Variants in TMEM177 observed in about 807,000 individuals in gnomAD.
The protein encoded by TMEM177 is transmembrane protein 177.
TMEM177 carries 4 observed loss-of-function variants against 14.2 expected under a neutral mutation model. The ratio of observed to expected loss-of-function variants is 0.28; its 90% CI spans 0.14 to 0.64. TMEM177 has a LOEUF of 0.64. TMEM177 is among the 30% of genes least tolerant of loss of function. TMEM177 has a pLI of 0.82. For missense variants in TMEM177, 344 were observed against 405.2 expected, an observed-to-expected ratio of 0.85 and a Z score of 1.30; for synonymous variants, 179 against 174.5, an observed-to-expected ratio of 1.03 and a Z score of -0.20.
At chr2:119,698,047 C>A in the TMEM177 span, among the ~76,000 whole-genome samples, 1 of 152,076 alleles carries the variant, frequency 6.6e-6, no homozygotes, top group Non-Finnish European at 1.5e-5. Flanking sequence ...CCTCTGAGCT[C>A]CAGGGGAGGC....
chr2:119,708,644 G>GACACACACAC, the TMEM177 span, among the ~76,000 whole-genome samples: 360 of 146,838 alleles, frequency 2.5e-3, 1 homozygote, highest in African/African-American at 8.5e-3. Flanking sequence ...ATCACACGCA[G>GACACACACAC]ACACACACAC....
At chr2:119,714,762 G>T in the TMEM177 span, among the ~76,000 whole-genome samples, 1 of 151,834 alleles carries the variant, frequency 6.6e-6, no homozygotes, top group East Asian at 1.9e-4. Flanking sequence ...TAGTGATGAA[G>T]GCAAGAAAAT....
the TMEM177 span, among the ~76,000 whole-genome samples, chr2:119,694,252 G>A: frequency 1.4e-5 from 2 of 140,804 alleles, no homozygotes; most frequent in South Asian, 4.7e-4. Flanking sequence ...TACCACACAT[G>A]TGCAACATAC....
rs1688832370 is a variant in TMEM177 at position 119,679,244 on chromosome 2, G to C, written c.-55G>C. 1 of 152,224 alleles carries C rather than the reference G, an allele frequency of 6.6e-6. No homozygotes were observed. Among genetic ancestry groups the C allele is most frequent in the Non-Finnish European group, 1.5e-5 (1 of 68,076 alleles). The allele number at this position is 152,224 out of a possible 1,614,324, so 9.4% of individuals were successfully genotyped here. On this transcript the variant is annotated 5_prime_UTR_variant, in exon 1 of 2. Coordinates refer to ENST00000272521, the MANE Select transcript of TMEM177 (RefSeq NM_030577.3). ...GGCGGAGGTGAGCGCACGGACGAGC[G>C]GGAGGGACCCTTCTCCGGCCTGATG...
At chr2:119,722,515 A>T in the TMEM177 span, among the ~76,000 whole-genome samples, 2 of 152,238 alleles carry the variant, frequency 1.3e-5, no homozygotes, top group African/African-American at 4.8e-5. Flanking sequence ...TAAGTTCAAT[A>T]CTTACCAGCT....
At chr2:119,703,969 A>G in the TMEM177 span, among the ~76,000 whole-genome samples, 11 of 152,264 alleles carry the variant, frequency 7.2e-5, no homozygotes, top group Non-Finnish European at 1.6e-4. Flanking sequence ...AAGCATCAGT[A>G]TGAATGCCAT....
downstream of TMEM177, among the ~76,000 whole-genome samples, chr2:119,687,923 T>A (rs1689041329): frequency 6.6e-6 from 1 of 152,212 alleles, no homozygotes; most frequent in African/African-American, 2.4e-5. Context: ...CTTGATACAA[T>A]CATAAAAGTT....
At chr2:119,714,798 A>G in the TMEM177 span, among the ~76,000 whole-genome samples, 1 of 152,258 alleles carries the variant, frequency 6.6e-6, no homozygotes, top group African/African-American at 2.4e-5. Context: ...TGGGCTACTG[A>G]TCAGGGGTCA....
At chr2:119,682,341 C>T (rs1320601800), downstream of TMEM177, among the ~76,000 whole-genome samples, 2 of 152,070 alleles carry the variant, frequency 1.3e-5, no homozygotes, top group Non-Finnish European at 2.9e-5. Flanking sequence ...ACCTCAACAC[C>T]AGGGTACTAG....
chr2:119,682,607 G>T (rs1688934278), downstream of TMEM177, among the ~76,000 whole-genome samples: 1 of 152,160 alleles, frequency 6.6e-6, no homozygotes, highest in African/African-American at 2.4e-5. Flanking sequence ...GACCTGAGGG[G>T]AGGGGAGGTG....
At chr2:119,697,301 C>T in the TMEM177 span, among the ~76,000 whole-genome samples, 1 of 152,240 alleles carries the variant, frequency 6.6e-6, no homozygotes, top group Non-Finnish European at 1.5e-5. Flanking sequence ...TGGCTCATGC[C>T]TGCAATCCCA....
chr2:119,717,754 G>A, the TMEM177 span, among the ~76,000 whole-genome samples: 29 of 151,956 alleles, frequency 1.9e-4, no homozygotes, highest in African/African-American at 5.8e-4. Flanking sequence ...GATTACAGGC[G>A]TGCGCCACCA....
chr2:119,686,070 AGCAGAGTGG>A (rs1211899894), downstream of TMEM177: 1 of 203,130 alleles, frequency 4.9e-6, no homozygotes, highest in Non-Finnish European at 9.8e-6. Flanking sequence ...GTAGGGAGAG[AGCAGAGTGG>A]GCAGCCAGCT....
downstream of TMEM177, among the ~76,000 whole-genome samples, chr2:119,690,884 A>G (rs933852426): frequency 1.2e-4 from 18 of 152,232 alleles, no homozygotes; most frequent in African/African-American, 4.3e-4. Flanking sequence ...ATTTTCCCTA[A>G]TTTTATCCAC....
At chr2:119,706,090 T>G in the TMEM177 span, among the ~76,000 whole-genome samples, 2 of 150,830 alleles carry the variant, frequency 1.3e-5, no homozygotes, top group Non-Finnish European at 2.9e-5. Flanking sequence ...AGTGGCGCAA[T>G]CTTGCTCAGT....
chr2:119,693,002 G>T, the TMEM177 span, among the ~76,000 whole-genome samples: 1 of 150,598 alleles, frequency 6.6e-6, no homozygotes. Flanking sequence ...AAAAAAGGCA[G>T]GGATTTGTCC....
the TMEM177 span, among the ~76,000 whole-genome samples, chr2:119,714,217 G>C: frequency 6.6e-6 from 1 of 152,164 alleles, no homozygotes; most frequent in Non-Finnish European, 1.5e-5. Flanking sequence ...ACAAAGGGAG[G>C]GATGTGCAAA....
the TMEM177 span, among the ~76,000 whole-genome samples, chr2:119,695,932 G>T: frequency 6.6e-6 from 1 of 152,222 alleles, no homozygotes; most frequent in Non-Finnish European, 1.5e-5. Context: ...GACTGGCTCT[G>T]CAGGGGCCCA....
At chr2:119,716,250 C>T in the TMEM177 span, among the ~76,000 whole-genome samples, 3 of 152,160 alleles carry the variant, frequency 2.0e-5, no homozygotes, top group Non-Finnish European at 4.4e-5. Context: ...CAGACTTCCA[C>T]GTGGCCTGCG....
Sources: allele counts gnomAD v4.1 joint callset (sites outside exome capture counted in the v4.1 genomes callset), GRCh38; gene constraint gnomAD v4.1.1; transcripts MANE v1.5; gene names NCBI Gene and HGNC (gene_info 2026-07-23, HGNC 2026-07-21).